The following FBXO17 variants were observed in gnomAD, a reference collection of about 807,000 sequenced individuals.
FBXO17 encodes the protein F-box protein 17.
Under a neutral mutation model 34.1 loss-of-function variants are expected in FBXO17, and 43 were observed. The observed-to-expected ratio is 1.26, with a 90% CI of 0.99 to 1.62. The LOEUF (loss-of-function observed/expected upper bound fraction) is 1.62. FBXO17 is among the 40% of genes most tolerant of loss of function. The probability of loss-of-function intolerance (pLI) is 0.00; values close to 1 mark genes in which losing one functional copy is unlikely to be tolerated. For missense variants in FBXO17, 424 were observed against 386.7 expected, an observed-to-expected ratio of 1.10 and a Z score of -0.81; for synonymous variants, 169 against 166.0, an observed-to-expected ratio of 1.02 and a Z score of -0.14.
intron 1 of FBXO17, among the ~76,000 whole-genome samples, chr19:38,965,763 T>G (rs1975311829): frequency 6.6e-6 from 1 of 152,184 alleles, no homozygotes; most frequent in East Asian, 1.9e-4. Flanking sequence ...CACCTCAGCC[T>G]CCCAAAGTGC....
At position 38,941,575 on chromosome 19, in the gene FBXO17, G is replaced by A. The variant is rs1208351822; in HGVS notation, c.*1033C>T. On this transcript the variant is annotated 3_prime_UTR_variant, in exon 6 of 6. Transcript: ENST00000292852. Reference sequence around the variant, plus strand: ...ATAAAGGGATGGGCTGAAATAAAGGGATGGGTCTGGCTAGTTATCTGCAGC... The same window carrying A: ...ATAAAGGGATGGGCTGAAATAAAGGAATGGGTCTGGCTAGTTATCTGCAGC... 6.6e-6 allele frequency: 1 copy of A among 152,218 alleles called. No homozygotes were observed. The highest frequency in any genetic ancestry group is 1.9e-4 in the East Asian group (1 of 5,192). 9.4% of individuals were successfully genotyped at this position (152,218 alleles called of 1,614,324 possible).
intron 1 of FBXO17, chr19:38,952,907 C>T: frequency 2.2e-6 from 1 of 451,698 alleles, no homozygotes; most frequent in Non-Finnish European, 4.5e-6. Flanking sequence ...TTCCAACCCA[C>T]TGTGATCTCC....
At position 38,950,158 on chromosome 19, in the gene FBXO17, G is replaced by A. The variant is rs1156379915; in HGVS notation, c.162C>T (p.Asp54=). 13 of 1,560,804 alleles carry A rather than the reference G, an allele frequency of 8.3e-6. No individual in the cohort carries two copies. Among genetic ancestry groups the A allele is most frequent in the South Asian group, 2.3e-5 (2 of 85,618 alleles). The change falls in exon 2 of 6, where the codon GAC becomes GAT. Residue 54 remains aspartate (D), a synonymous_variant. Transcript: ENST00000292852. ...GCTGCAGCAGCCACACAGTGGGCCCGTCCACTATGTCGCGCCAGGCGCGGC... is the reference window on the plus strand; with the variant it reads ...GCTGCAGCAGCCACACAGTGGGCCCATCCACTATGTCGCGCCAGGCGCGGC... The part of the protein sequence containing the change: ...PVCRAWRDIV[D]GPTVWLLQLA...
At chr19:38,968,659 CT>C (rs762180912) in intron 1 of FBXO17, among the ~76,000 whole-genome samples, 14 of 152,136 alleles carry the variant, frequency 9.2e-5, no homozygotes, top group South Asian at 4.1e-4. Context: ...CTCCAAATGT[CT>C]ATTAGCTGAT....
intron 1 of FBXO17, among the ~76,000 whole-genome samples, chr19:38,962,993 G>T (rs991945326): frequency 3.3e-5 from 5 of 152,136 alleles, no homozygotes; most frequent in African/African-American, 1.2e-4. Flanking sequence ...ACAGGTGTGA[G>T]CCATTGTGCC....
At position 38,941,557 on chromosome 19, in the gene FBXO17, G is replaced by A. The variant is rs567693031; in HGVS notation, c.*1051C>T. 7 of 152,300 alleles carry A rather than the reference G, an allele frequency of 4.6e-5. No homozygotes were observed. Among genetic ancestry groups the A allele is most frequent in the African/African-American group, 1.7e-4 (7 of 41,564 alleles). The allele number at this position is 152,300 out of a possible 1,614,324, so 9.4% of individuals were successfully genotyped here. ...AAACATTTCTTACAGGAAATAAAGG[G>A]ATGGGCTGAAATAAAGGGATGGGTC... On this transcript the variant is annotated 3_prime_UTR_variant, in exon 6 of 6. Transcript: ENST00000292852.
At chr19:38,945,130 G>A (rs1231732235) in intron 4 of FBXO17, 26 bp from the exon 5 acceptor site, 1 of 1,612,760 alleles carries the variant, frequency 6.2e-7, no homozygotes, top group African/African-American at 1.3e-5. Flanking sequence ...CAGCCTCTAT[G>A]CCCCCGTCAC....
Position 38,946,529 on chromosome 19 carries a change from T to G in FBXO17, c.500A>C (p.Glu167Ala). The change falls in exon 4 of 6, where the codon GAA becomes GCA. Residue 167 changes from glutamate to alanine, a missense_variant. Glu to Ala is a moderately radical substitution (Grantham distance 107). Coordinates refer to ENST00000292852, the MANE Select transcript of FBXO17 (RefSeq NM_024907.7). ...GTCCAGCAGCTCCTGCCACACCCCT[T>G]CCATCACCAGGTCCACAAGCTGCCT... The part of the protein sequence containing the change: ...SKRQLVDLVM[E>A]GVWQELLDSA... The G allele has an allele frequency of 6.2e-6, 10 of 1,613,944 alleles. No homozygotes were observed. The highest frequency in any genetic ancestry group is 8.5e-6 in the Non-Finnish European group (10 of 1,179,896).
intron 1 of FBXO17, among the ~76,000 whole-genome samples, chr19:38,960,874 T>C (rs1315285825): frequency 6.6e-6 from 1 of 151,130 alleles, no homozygotes; most frequent in Non-Finnish European, 1.5e-5. Context: ...CGGCATGATC[T>C]CCGCTCACTG....
Position 38,941,437 on chromosome 19 carries a change from T to TGAAA in FBXO17, c.*1170_*1171insTTTC, listed in dbSNP as rs1171102942. 15 of 152,220 alleles carry TGAAA rather than the reference T, an allele frequency of 9.9e-5. No individual in the cohort carries two copies. Among genetic ancestry groups the TGAAA allele is most frequent in the Admixed American group, 8.5e-4 (13 of 15,266 alleles). The allele number at this position is 152,220 out of a possible 1,614,324, so 9.4% of individuals were successfully genotyped here. On this transcript the variant is annotated 3_prime_UTR_variant, in exon 6 of 6. Transcript: ENST00000292852. ...GTGGGAAATCAGGGGTCTCACGGCC[T>TGAAA]TCAGAGCTGAGAGCCTTGAACAGAG...
chr19:38,943,101 C>T (rs906409113), intron 5 of FBXO17, among the ~76,000 whole-genome samples: 4 of 151,734 alleles, frequency 2.6e-5, no homozygotes, highest in Non-Finnish European at 4.4e-5. Flanking sequence ...GAACGGCCCG[C>T]GCAAAGGCCC....
chr19:38,946,521 A>G lies in FBXO17; in HGVS notation c.508T>C (p.Trp170Arg), dbSNP rs755794065. 1.9e-6 allele frequency: 3 copies of G among 1,613,982 alleles called. No individual in the cohort carries two copies. The highest frequency in any genetic ancestry group is 1.1e-5 in the South Asian group (1 of 91,082). The change falls in exon 4 of 6, where the codon TGG becomes CGG. Residue 170 changes from tryptophan (W) to arginine (R), a missense_variant. By Grantham distance (101) the Trp-to-Arg change is moderately radical. Transcript: ENST00000292852. ...QLVDLVMEGV[W>R]QELLDSAQIE... ...TGGGCGCTGTCCAGCAGCTCCTGCC[A>G]CACCCCTTCCATCACCAGGTCCACA...
At chr19:38,956,893 T>C (rs1253451495) in intron 1 of FBXO17, among the ~76,000 whole-genome samples, 1 of 151,976 alleles carries the variant, frequency 6.6e-6, no homozygotes, top group African/African-American at 2.4e-5. Flanking sequence ...AAATAGTTGC[T>C]GTCACTTTTT....
intron 1 of FBXO17, among the ~76,000 whole-genome samples, chr19:38,974,804 C>T (rs1975439558): frequency 6.6e-6 from 1 of 152,106 alleles, no homozygotes; most frequent in East Asian, 1.9e-4. Flanking sequence ...TGTATTTGGC[C>T]GACAGGGGTT....
In FBXO17 at chr19:38,942,473, G is replaced by T; in HGVS notation, c.*135C>A. 1.1e-6 allele frequency: 1 copy of T among 902,596 alleles called. No homozygotes were observed. Among genetic ancestry groups the T allele is most frequent in the Non-Finnish European group, 1.5e-6 (1 of 645,400 alleles). The allele number at this position is 902,596 out of a possible 1,614,324, so 55.9% of individuals were successfully genotyped here. ...GAGACGGTTTCACTATGTTGCCCAG[G>T]CTGGTCTTGAACTCCCGAGCTCCAG... On this transcript the variant is annotated 3_prime_UTR_variant, in exon 6 of 6. Transcript: ENST00000292852.
rs1186919438 is a variant in FBXO17 at position 38,962,190 on chromosome 19, C to CAAA, written c.-17-11857_-17-11855dup. Among the ~76,000 whole-genome samples, 14 of 132,522 alleles carry CAAA rather than the reference C, an allele frequency of 1.1e-4. No individual in the cohort carries two copies. In the East Asian group the frequency reaches 1.9e-3, roughly 18 times the overall value. 86.9% of individuals were successfully genotyped at this position (132,522 alleles called of 152,430 possible). On this transcript the variant is annotated intron_variant, in intron 1 of 5. Coordinates refer to ENST00000292852, the MANE Select transcript of FBXO17 (RefSeq NM_024907.7). Reference sequence around the variant, plus strand: ...GGACAAGAAGAGCGAAACTTCGTCTCAAAAAAAAAAAATAAAAAAAAATAA... The same window carrying CAAA: ...GGACAAGAAGAGCGAAACTTCGTCTCAAAAAAAAAAAAAAATAAAAAAAAATAA...
At chr19:38,946,868 G>A (rs7247506) in intron 3 of FBXO17, 64,784 of 359,750 alleles carry the variant, frequency 0.18, 7,129 homozygotes, top group East Asian at 0.48. Context: ...ACATGTGAGC[G>A]GGGAGCTCTG....
intron 3 of FBXO17, among the ~76,000 whole-genome samples, chr19:38,948,195 C>T (rs976046753): frequency 6.6e-6 from 1 of 151,874 alleles, no homozygotes; most frequent in South Asian, 2.1e-4. Flanking sequence ...AGGCTGGTCT[C>T]GCACTCCTGA....
At chr19:38,970,015 G>A (rs963929892) in intron 1 of FBXO17, among the ~76,000 whole-genome samples, 3 of 151,994 alleles carry the variant, frequency 2.0e-5, no homozygotes, top group African/African-American at 7.3e-5. Flanking sequence ...GTTCCTAACA[G>A]CTTCAGATTG....
Sources: gnomAD v4.1 joint callset for allele counts (sites outside exome capture counted in the v4.1 genomes callset) on GRCh38, gnomAD v4.1.1 for gene constraint, MANE v1.5 for transcripts, NCBI Gene and HGNC (gene_info 2026-07-23, HGNC 2026-07-21) for gene names.